Variants in MGAT5 observed in about 807,000 individuals in gnomAD.
MGAT5 encodes alpha-1,6-mannosylglycoprotein 6-beta-N-acetylglucosaminyltransferase A.
Under a neutral mutation model 94.3 loss-of-function variants are expected in MGAT5, and 30 were observed. That is an observed-to-expected ratio of 0.32 (90% CI 0.24 to 0.43). The LOEUF (loss-of-function observed/expected upper bound fraction) is 0.43. Ranked by LOEUF, MGAT5 falls within the 20% of genes least tolerant of loss-of-function variation. MGAT5 has a pLI of 1.00. For missense variants in MGAT5, 691 were observed against 905.5 expected (o/e 0.76, Z 3.04); for synonymous variants, 310 against 322.9 (o/e 0.96, Z 0.43).
chr2:134,292,675 T>A (rs2105782446), intron 2 of MGAT5, among the ~76,000 whole-genome samples: 1 of 152,282 alleles, frequency 6.6e-6, no homozygotes, highest in Non-Finnish European at 1.5e-5. Flanking sequence ...TGGTGTTTTG[T>A]TTGTCTTGTT....
chr2:134,159,211 G>C (rs567728856), intron 1 of MGAT5, among the ~76,000 whole-genome samples: 18 of 151,876 alleles, frequency 1.2e-4, no homozygotes, highest in African/African-American at 4.1e-4. Flanking sequence ...GTGTGTGTGT[G>C]TGTGTGTGTG....
chr2:134,145,958 T>C (rs1248788854), intron 1 of MGAT5, among the ~76,000 whole-genome samples: 2 of 152,208 alleles, frequency 1.3e-5, no homozygotes, highest in Non-Finnish European at 2.9e-5. Flanking sequence ...TTGCTGAGAC[T>C]TACTGTTAGA....
At chr2:134,440,983 T>C (rs1167461259) in intron 14 of MGAT5, among the ~76,000 whole-genome samples, 2 of 152,256 alleles carry the variant, frequency 1.3e-5, no homozygotes, top group African/African-American at 2.4e-5. Context: ...TTTAGAAGTT[T>C]GGTGATGTTT....
intron 11 of MGAT5, among the ~76,000 whole-genome samples, chr2:134,404,251 C>T (rs1417118668): frequency 6.6e-6 from 1 of 152,150 alleles, no homozygotes; most frequent in Admixed American, 6.5e-5. Context: ...ATCTCTGGCT[C>T]GCTTTGTTTT....
intron 1 of MGAT5, among the ~76,000 whole-genome samples, chr2:134,218,951 G>A (rs893636241): frequency 6.6e-6 from 1 of 152,164 alleles, no homozygotes; most frequent in Non-Finnish European, 1.5e-5. Flanking sequence ...TAAAGGCTGT[G>A]TATCATTTAC....
chr2:134,179,166 C>T (rs1688613933), intron 1 of MGAT5, among the ~76,000 whole-genome samples: 1 of 152,088 alleles, frequency 6.6e-6, no homozygotes, highest in Non-Finnish European at 1.5e-5. Context: ...CCGTGTTTAT[C>T]CTTTTTTTGT....
chr2:134,269,907 A>G (rs534350068), intron 1 of MGAT5, among the ~76,000 whole-genome samples: 27 of 152,384 alleles, frequency 1.8e-4, no homozygotes, highest in African/African-American at 4.8e-4. Flanking sequence ...TGTAGCTTTT[A>G]TGAAGTGTTA....
chr2:134,144,365 G>A (rs1298891935), intron 1 of MGAT5, among the ~76,000 whole-genome samples: 2 of 152,102 alleles, frequency 1.3e-5, no homozygotes, highest in Non-Finnish European at 2.9e-5. Flanking sequence ...AGAGGCGGGA[G>A]GTGCTACATG....
intron 10 of MGAT5, among the ~76,000 whole-genome samples, chr2:134,372,928 G>T (rs1344832940): frequency 1.3e-5 from 2 of 152,220 alleles, no homozygotes; most frequent in Middle Eastern, 3.2e-3. Flanking sequence ...GAAGCTGGAG[G>T]CTCAGGCAGC....
intron 2 of MGAT5, among the ~76,000 whole-genome samples, chr2:134,276,726 C>T (rs1558753756): frequency 6.6e-6 from 1 of 152,086 alleles, no homozygotes; most frequent in Admixed American, 6.5e-5. Flanking sequence ...TCTGTATTTC[C>T]AGAGAATAAT....
chr2:134,419,346 C>T (rs1273138628), intron 12 of MGAT5, among the ~76,000 whole-genome samples: 1 of 151,716 alleles, frequency 6.6e-6, no homozygotes, highest in Non-Finnish European at 1.5e-5. Flanking sequence ...TTAATATAAA[C>T]TGGATTTTTA....
intron 4 of MGAT5, among the ~76,000 whole-genome samples, chr2:134,330,581 G>GTGTGTGTGTATA (rs56795876): frequency 7.3e-6 from 1 of 137,082 alleles, no homozygotes. Flanking sequence ...GTGTGTGTGT[G>GTGTGTGTGTATA]TGTTACGAAG....
chr2:134,311,091 T>G (rs1686626626), intron 2 of MGAT5, among the ~76,000 whole-genome samples: 1 of 152,236 alleles, frequency 6.6e-6, no homozygotes, highest in Non-Finnish European at 1.5e-5. Flanking sequence ...CTTTAGAGTG[T>G]CATTGCCCTG....
chr2:134,244,999 T>A (rs547041970), intron 1 of MGAT5, among the ~76,000 whole-genome samples: 1 of 152,290 alleles, frequency 6.6e-6, no homozygotes, highest in African/African-American at 2.4e-5. Flanking sequence ...TGTTTTGGTT[T>A]AGTAGTTGTT....
At chr2:134,236,374 A>G (rs886339809) in intron 1 of MGAT5, among the ~76,000 whole-genome samples, 1 of 152,164 alleles carries the variant, frequency 6.6e-6, no homozygotes, top group East Asian at 1.9e-4. Flanking sequence ...TCTGCAGCCC[A>G]AAAGAGTCTC....
intron 2 of MGAT5, among the ~76,000 whole-genome samples, chr2:134,307,745 C>A (rs531403039): frequency 3.3e-5 from 5 of 152,128 alleles, no homozygotes; most frequent in Non-Finnish European, 7.3e-5. Flanking sequence ...ATTTGCTGTC[C>A]TGGTAAAACA....
In MGAT5 at chr2:134,265,208, T is replaced by G. The variant is rs1349909467; in HGVS notation, c.242-5178T>G. On this transcript the variant is annotated intron_variant, in intron 1 of 15. Transcript: ENST00000281923. ...TTTTGATAATTCCTCAAATACGGAT[T>G]GATTTTGATGATCTGGGAAATGAAG... Among the ~76,000 whole-genome samples the G allele has an allele frequency of 2.0e-5, 3 of 152,332 alleles. No individual in the cohort carries two copies. In the East Asian group the frequency reaches 5.8e-4, roughly 29 times the overall value.
At position 134,254,112 on chromosome 2, in the gene MGAT5, C is replaced by G. The variant is rs1385472550; in HGVS notation, c.-292C>G. On this transcript the variant is annotated 5_prime_UTR_variant, in exon 1 of 16. Coordinates refer to ENST00000281923, the MANE Select transcript of MGAT5 (RefSeq NM_002410.5). The stretch of plus-strand genomic sequence containing the variant: ...CTTGTTGCCTAGCCAGATTTCCCCT[C>G]AGCTTACAGTTCCTGAATCATAAGA... 5.4e-6 allele frequency: 3 copies of G among 554,040 alleles called. No homozygotes were observed. The highest frequency in any genetic ancestry group is 9.5e-6 in the Non-Finnish European group (3 of 315,820). The allele number at this position is 554,040 out of a possible 1,614,324, so 34.3% of individuals were successfully genotyped here.
chr2:134,283,435 T>C (rs559584501), intron 2 of MGAT5, among the ~76,000 whole-genome samples: 1 of 152,166 alleles, frequency 6.6e-6, no homozygotes, highest in Non-Finnish European at 1.5e-5. Context: ...TCGAAAATTA[T>C]GTTAGAGGCA....
Sources: allele counts gnomAD v4.1 joint callset (sites outside exome capture counted in the v4.1 genomes callset), GRCh38; gene constraint gnomAD v4.1.1; transcripts MANE v1.5; gene names NCBI Gene and HGNC (gene_info 2026-07-23, HGNC 2026-07-21).